Variants in LGSN observed in about 807,000 individuals in gnomAD.
LGSN encodes the protein lengsin, lens protein with glutamine synthetase domain.
A neutral mutation model predicts 19.5 loss-of-function variants in LGSN; 21 were observed. That is an observed-to-expected ratio of 1.07 (90% CI 0.76 to 1.55). The LOEUF (loss-of-function observed/expected upper bound fraction) is 1.55, where lower values mean the gene tolerates loss of function less well. Among genes scored for constraint, LGSN ranks in the 40% most tolerant of loss-of-function variants. LGSN has a pLI of 0.00. For synonymous variants in LGSN, 257 were observed against 215.6 expected, an observed-to-expected ratio of 1.19 and a Z score of -1.68; for missense variants, 673 against 608.5, an observed-to-expected ratio of 1.11 and a Z score of -1.12.
At chr6:63,451,663 T>C in the LGSN span, among the ~76,000 whole-genome samples, 2 of 152,180 alleles carry the variant, frequency 1.3e-5, no homozygotes, top group East Asian at 3.9e-4. Flanking sequence ...GCTTAATAAC[T>C]GGGTGATGAA....
At chr6:63,479,061 G>A in the LGSN span, among the ~76,000 whole-genome samples, 1 of 152,154 alleles carries the variant, frequency 6.6e-6, no homozygotes, top group African/African-American at 2.4e-5. Context: ...TAACTCACTG[G>A]TCTGTCTGGA....
rs1294250713 is a variant in LGSN at position 63,312,622 on chromosome 6, T to C, written c.30+7292A>G. 2.0e-5 allele frequency among the ~76,000 whole-genome samples: 3 copies of C among 152,212 alleles called. No homozygotes were observed. In the East Asian group the frequency reaches 5.8e-4, roughly 29 times the overall value. On this transcript the variant is annotated intron_variant, in intron 1 of 3. Transcript: ENST00000370657. ...ATTATGATCTCTTAAGTGCCAAGTA[T>C]ACATTTAAGTGTCCCTTGTAGAATT...
chr6:63,442,343 G>C, the LGSN span, among the ~76,000 whole-genome samples: 1 of 152,130 alleles, frequency 6.6e-6, no homozygotes, highest in African/African-American at 2.4e-5. Flanking sequence ...GACCTGACCG[G>C]GTTGCTGCTG....
the LGSN span, among the ~76,000 whole-genome samples, chr6:63,550,007 C>G: frequency 2.6e-5 from 4 of 152,122 alleles, no homozygotes; most frequent in African/African-American, 9.7e-5. Context: ...GAGGAACACA[C>G]TAATTACTCT....
At chr6:63,505,597 G>GAAAT in the LGSN span, among the ~76,000 whole-genome samples, 2,167 of 117,164 alleles carry the variant, frequency 0.018, 279 homozygotes, top group Middle Eastern at 0.042. Context: ...AAGAAAGAAA[G>GAAAT]AAAGAAAGAA....
the LGSN span, among the ~76,000 whole-genome samples, chr6:63,520,573 G>A: frequency 6.6e-6 from 1 of 152,054 alleles, no homozygotes; most frequent in South Asian, 2.1e-4. Context: ...AGAGGTTGCA[G>A]TGAGCCAAGA....
At chr6:63,373,683 A>G in the LGSN span, among the ~76,000 whole-genome samples, 2 of 152,114 alleles carry the variant, frequency 1.3e-5, no homozygotes, top group South Asian at 4.1e-4. Flanking sequence ...AAAAAAGGGC[A>G]TCTGTGGGGC....
the LGSN span, among the ~76,000 whole-genome samples, chr6:63,385,696 C>T: frequency 6.6e-5 from 10 of 152,100 alleles, no homozygotes; most frequent in Non-Finnish European, 1.2e-4. Context: ...CTCAATTGTC[C>T]CCTATAAACT....
upstream of LGSN, among the ~76,000 whole-genome samples, chr6:63,322,500 T>C (rs1317983171): frequency 1.3e-5 from 2 of 152,212 alleles, no homozygotes; most frequent in Admixed American, 1.3e-4. Flanking sequence ...TCCCGATTTG[T>C]TGTTGTTCTA....
the LGSN span, among the ~76,000 whole-genome samples, chr6:63,467,049 A>C: frequency 6.6e-6 from 1 of 152,170 alleles, no homozygotes; most frequent in Admixed American, 6.5e-5. Context: ...ATAGAAAAAA[A>C]TTCAGGTCGG....
chr6:63,350,803 G>A, the LGSN span, among the ~76,000 whole-genome samples: 1 of 151,344 alleles, frequency 6.6e-6, no homozygotes, highest in African/African-American at 2.4e-5. Context: ...GGTGAGCTGA[G>A]ATGGTGCCAC....
At chr6:63,538,175 T>G in the LGSN span, among the ~76,000 whole-genome samples, 2 of 152,228 alleles carry the variant, frequency 1.3e-5, no homozygotes, top group African/African-American at 4.8e-5. Flanking sequence ...AATATGAGCC[T>G]TGGTGTTTAC....
At chr6:63,333,049 G>C in the LGSN span, among the ~76,000 whole-genome samples, 1 of 151,956 alleles carries the variant, frequency 6.6e-6, no homozygotes, top group African/African-American at 2.4e-5. Flanking sequence ...AAGCAGTGTG[G>C]ACCCAAAGAG....
chr6:63,334,843 A>G, the LGSN span, among the ~76,000 whole-genome samples: 2 of 152,168 alleles, frequency 1.3e-5, no homozygotes, highest in African/African-American at 4.8e-5. Context: ...CAAAGCCATC[A>G]AGAAAATACA....
the LGSN span, among the ~76,000 whole-genome samples, chr6:63,358,028 T>A: frequency 6.6e-6 from 1 of 152,128 alleles, no homozygotes; most frequent in Non-Finnish European, 1.5e-5. Flanking sequence ...AAGGAAGGGA[T>A]CCAGTTTCAG....
chr6:63,296,030 T>C (rs1767967554), intron 1 of LGSN, among the ~76,000 whole-genome samples: 1 of 152,194 alleles, frequency 6.6e-6, no homozygotes, highest in Non-Finnish European at 1.5e-5. Context: ...GCAAGTTATA[T>C]GAATATATGT....
At chr6:63,538,330 A>T in the LGSN span, among the ~76,000 whole-genome samples, 1 of 152,250 alleles carries the variant, frequency 6.6e-6, no homozygotes. Flanking sequence ...AGTTCAGTGA[A>T]CATTGTTACA....
At chr6:63,511,969 G>A in the LGSN span, among the ~76,000 whole-genome samples, 7 of 152,134 alleles carry the variant, frequency 4.6e-5, no homozygotes, top group Non-Finnish European at 1.0e-4. Flanking sequence ...ATTAAAAGTG[G>A]TGAAACTGTA....
At chr6:63,407,643 C>G in the LGSN span, among the ~76,000 whole-genome samples, 17,389 of 152,136 alleles carry the variant, frequency 0.11, 2,007 homozygotes, top group African/African-American at 0.3. Flanking sequence ...CCTCTGTCAC[C>G]ACTCCTATTC....
Sources: allele counts gnomAD v4.1 joint callset (sites outside exome capture counted in the v4.1 genomes callset), GRCh38; gene constraint gnomAD v4.1.1; transcripts MANE v1.5; gene names NCBI Gene and HGNC (gene_info 2026-07-23, HGNC 2026-07-21).